The following FOXL1 variants were observed in gnomAD, a reference collection of about 807,000 sequenced individuals.
FOXL1 encodes the protein forkhead box protein L1.
In FOXL1, 2 loss-of-function variants were observed where a neutral mutation model predicts 1.7. The ratio of observed to expected loss-of-function variants is 1.21; its 90% CI spans 0.49 to 3.80. FOXL1 has a LOEUF of 3.80. FOXL1 is among the 30% of genes most tolerant of loss of function. The probability of loss-of-function intolerance (pLI) is 0.07; values close to 1 mark genes in which losing one functional copy is unlikely to be tolerated. For missense variants in FOXL1, 565 were observed against 495.8 expected (o/e 1.14, Z -1.32); for synonymous variants, 280 against 229.3 (o/e 1.22, Z -2.00).
In FOXL1 at chr16:86,582,726, T is replaced by G. The variant is rs1013612981; in HGVS notation, c.*2965T>G. Among the ~76,000 whole-genome samples, 4 of 152,156 alleles carry G rather than the reference T, an allele frequency of 2.6e-5. No individual in the cohort carries two copies. Among genetic ancestry groups the G allele is most frequent in the African/African-American group, 9.7e-5 (4 of 41,418 alleles). On this transcript the variant is annotated 3_prime_UTR_variant, in exon 1 of 1. Coordinates refer to ENST00000320241, the MANE Select transcript of FOXL1 (RefSeq NM_005250.3). ...TAAATGTATCTTTTTTGAATATACC[T>G]GAGACTCAGATCAAGTACTGAGTCC...
chr16:86,579,590 C>G lies in FOXL1; in HGVS notation c.867C>G (p.Pro289=), dbSNP rs772206677. 6.2e-7 allele frequency: 1 copy of G among 1,613,076 alleles called. No individual in the cohort carries two copies. The highest frequency in any genetic ancestry group is 2.2e-5 in the East Asian group (1 of 44,858). ...DELLGGAKPG[P]GGRLGASLLA... Reference sequence around the variant, plus strand: ...TCCTAGGGGGTGCCAAGCCTGGGCCCGGCGGCCGTCTGGGTGCCTCGCTCC... The same window carrying G: ...TCCTAGGGGGTGCCAAGCCTGGGCCGGGCGGCCGTCTGGGTGCCTCGCTCC... The change falls in exon 1 of 1, where the codon CCC becomes CCG. Residue 289 remains proline (P), a synonymous_variant. Transcript: ENST00000320241.
rs1012580727 is a variant in FOXL1, at chr16:86,582,206, G to A, written c.*2445G>A. The A allele has an allele frequency of 3.3e-5, 5 of 152,148 alleles. No individual in the cohort carries two copies. The highest frequency in any genetic ancestry group is 1.9e-4 in the East Asian group (1 of 5,196). 9.4% of individuals were successfully genotyped at this position (152,148 alleles called of 1,614,324 possible). On this transcript the variant is annotated 3_prime_UTR_variant, in exon 1 of 1. Coordinates refer to ENST00000320241, the MANE Select transcript of FOXL1 (RefSeq NM_005250.3). ...GCTAAGACAAGTGGATACTGAGGTC[G>A]TTTTTATGTAATCTATATAATTGCA...
Position 86,579,111 on chromosome 16 carries a change from C to A in FOXL1, c.388C>A (p.Leu130Met). The A allele has an allele frequency of 1.9e-6, 3 of 1,613,926 alleles. No homozygotes were observed. Among genetic ancestry groups the A allele is most frequent in the African/African-American group, 1.3e-5 (1 of 75,054 alleles). ...GSYWTLDPRC[L>M]DMFENGNYRR... Reference sequence around the variant, plus strand: ...CTACTGGACGCTGGACCCCCGCTGCCTGGACATGTTTGAGAACGGCAACTA... The same window carrying A: ...CTACTGGACGCTGGACCCCCGCTGCATGGACATGTTTGAGAACGGCAACTA... Residue 130 changes from leucine (L) to methionine (M), a missense_variant, in exon 1 of 1, where the codon CTG (leucine) becomes ATG (methionine). Leu to Met is a conservative substitution (Grantham distance 15). Coordinates refer to ENST00000320241, the MANE Select transcript of FOXL1 (RefSeq NM_005250.3).
At position 86,579,665 on chromosome 16, in the gene FOXL1, C is replaced by T; in HGVS notation, c.942C>T (p.Leu314=). The change falls in exon 1 of 1, where the codon CTC becomes CTT. Residue 314 remains leucine, a synonymous_variant. Coordinates refer to ENST00000320241, the MANE Select transcript of FOXL1 (RefSeq NM_005250.3). ...LRPPFNASLM[L]DPHVQGGFYQ... is the part of the protein sequence containing the mutation. ...CGCCTTTCAACGCTTCCCTGATGCT[C>T]GACCCGCATGTCCAGGGCGGCTTTT... 6.2e-7 allele frequency: 1 copy of T among 1,613,884 alleles called. No homozygotes were observed. Among genetic ancestry groups the T allele is most frequent in the Non-Finnish European group, 8.5e-7 (1 of 1,180,010 alleles).
chr16:86,578,781 C>G lies in FOXL1; in HGVS notation c.58C>G (p.Leu20Val), dbSNP rs765582433. 2.5e-6 allele frequency: 4 copies of G among 1,613,084 alleles called. No individual in the cohort carries two copies. Among genetic ancestry groups the G allele is most frequent in the African/African-American group, 2.7e-5 (2 of 74,940 alleles). Residue 20 changes from leucine (L) to valine (V), a missense_variant, in exon 1 of 1, where the codon CTG becomes GTG. Physicochemically the swap from Leu to Val is conservative, Grantham distance 32 (BLOSUM62 1). Coordinates refer to ENST00000320241, the MANE Select transcript of FOXL1 (RefSeq NM_005250.3). ...PALAASPMLY[L>V]YGPERPGLPL... The stretch of plus-strand genomic sequence containing the variant: ...CCTGGCCGCCTCGCCCATGCTGTAT[C>G]TGTACGGTCCCGAGAGACCCGGCCT...
At position 86,581,635 on chromosome 16, in the gene FOXL1, G is replaced by A. The variant is rs1321751126; in HGVS notation, c.*1874G>A. The A allele has an allele frequency of 6.0e-6, 1 of 167,076 alleles. No homozygotes were observed. The highest frequency in any genetic ancestry group is 1.5e-5 in the Non-Finnish European group (1 of 68,120). 10.3% of individuals were successfully genotyped at this position (167,076 alleles called of 1,614,324 possible). On this transcript the variant is annotated 3_prime_UTR_variant, in exon 1 of 1. Coordinates refer to ENST00000320241, the MANE Select transcript of FOXL1 (RefSeq NM_005250.3). ...AAAATGTAGCGAAAGGGCTGTCACT[G>A]GATATTTTGCTATCCCAAACTCTCA...
chr16:86,579,130 G>A lies in FOXL1; in HGVS notation c.407G>A (p.Gly136Asp). Residue 136 changes from glycine to aspartate, a missense_variant, in exon 1 of 1, where the codon GGC (glycine) becomes GAC (aspartate). Gly to Asp is a moderately conservative substitution (Grantham distance 94). Transcript: ENST00000320241. ...CGCTGCCTGGACATGTTTGAGAACG[G>A]CAACTACCGGCGCCGGAAGAGGAAG... ...DPRCLDMFEN[G>D]NYRRRKRKPK... 6.2e-7 allele frequency: 1 copy of A among 1,613,538 alleles called. No individual in the cohort carries two copies. The highest frequency in any genetic ancestry group is 8.5e-7 in the Non-Finnish European group (1 of 1,179,952).
Position 86,578,926 on chromosome 16 carries a change from A to G in FOXL1, c.203A>G (p.Gln68Arg). The change falls in exon 1 of 1, where the codon CAG (glutamine) becomes CGG (arginine). Residue 68 changes from glutamine to arginine, a missense_variant. Coordinates refer to ENST00000320241, the MANE Select transcript of FOXL1 (RefSeq NM_005250.3). ...IAMAIQDAPE[Q>R]RVTLNGIYQF... ...ATGGCGATCCAGGACGCGCCCGAGC[A>G]GAGGGTCACGCTCAACGGCATCTAC... The G allele has an allele frequency of 6.2e-7, 1 of 1,614,186 alleles. No homozygotes were observed. The highest frequency in any genetic ancestry group is 1.3e-5 in the African/African-American group (1 of 75,070).
Position 86,579,740 on chromosome 16 carries a change from C to G in FOXL1, c.1017C>G (p.Asp339Glu). The G allele has an allele frequency of 6.2e-7, 1 of 1,613,034 alleles. No individual in the cohort carries two copies. The highest frequency in any genetic ancestry group is 8.5e-7 in the Non-Finnish European group (1 of 1,179,580). ...CTTATTTCCCCCTGCAGGTTCCCGACACGGTACTCCACTTCCAGTAAAGCA... is the reference window on the plus strand; with the variant it reads ...CTTATTTCCCCCTGCAGGTTCCCGAGACGGTACTCCACTTCCAGTAAAGCA... ...FLSYFPLQVP[D>E]TVLHFQ Residue 339 changes from aspartate to glutamate, a missense_variant, in exon 1 of 1, where the codon GAC becomes GAG. Asp to Glu is a conservative substitution (Grantham distance 45). Coordinates refer to ENST00000320241, the MANE Select transcript of FOXL1 (RefSeq NM_005250.3).
Position 86,583,082 on chromosome 16 carries a change from G to C in FOXL1, c.*3321G>C, listed in dbSNP as rs1408453149. ...GCCTCCAGTGAACCATAAGAGTTTT[G>C]AGAACCTGAATAGGACCTTCTTAGC... On this transcript the variant is annotated 3_prime_UTR_variant, in exon 1 of 1. Transcript: ENST00000320241. Among the ~76,000 whole-genome samples, 1 of 150,528 alleles carries C rather than the reference G, an allele frequency of 6.6e-6. No homozygotes were observed. Among genetic ancestry groups the C allele is most frequent in the African/African-American group, 2.5e-5 (1 of 40,776 alleles).
chr16:86,582,860 T>C lies in FOXL1; in HGVS notation c.*3099T>C, dbSNP rs1188419622. Among the ~76,000 whole-genome samples, 1 of 151,774 alleles carries C rather than the reference T, an allele frequency of 6.6e-6. No individual in the cohort carries two copies. The highest frequency in any genetic ancestry group is 1.5e-5 in the Non-Finnish European group (1 of 68,020). On this transcript the variant is annotated 3_prime_UTR_variant, in exon 1 of 1. Coordinates refer to ENST00000320241, the MANE Select transcript of FOXL1 (RefSeq NM_005250.3). ...TAGCTTTAATAGTTTTGTTTCTCTA[T>C]GTAGTATGAACCAGGGATAACTTTA...
Position 86,579,871 on chromosome 16 carries a change from C to G in FOXL1, c.*110C>G, listed in dbSNP as rs914848765. 5 of 1,137,558 alleles carry G rather than the reference C, an allele frequency of 4.4e-6. No homozygotes were observed. In the African/African-American group the frequency reaches 6.2e-5, roughly 14 times the overall value. 70.5% of individuals were successfully genotyped at this position (1,137,558 alleles called of 1,614,324 possible). On this transcript the variant is annotated 3_prime_UTR_variant, in exon 1 of 1. Coordinates refer to ENST00000320241, the MANE Select transcript of FOXL1 (RefSeq NM_005250.3). ...TAAAATGATCTTTGCCTGGGTCGGCCTGTGGGTTCAGGGAAGTGTTACCAA... is the reference window on the plus strand; with the variant it reads ...TAAAATGATCTTTGCCTGGGTCGGCGTGTGGGTTCAGGGAAGTGTTACCAA...
chr16:86,579,461 C>A lies in FOXL1; in HGVS notation c.738C>A (p.Pro246=). The A allele has an allele frequency of 6.4e-7, 1 of 1,556,846 alleles. No individual in the cohort carries two copies. ...ACGGCCCGGGGTCCCCTCTGCGCCC[C>A]GCCTCCCGCAGCTCTCCGAAGAGCT... ...TGDGPGSPLR[P]ASRSSPKSSD... The change falls in exon 1 of 1, where the codon CCC becomes CCA. Residue 246 remains proline, a synonymous_variant. Transcript: ENST00000320241.
At position 86,582,940 on chromosome 16, in the gene FOXL1, A is replaced by T. The variant is rs1440210797; in HGVS notation, c.*3179A>T. Among the ~76,000 whole-genome samples the T allele has an allele frequency of 1.3e-5, 2 of 151,158 alleles. No individual in the cohort carries two copies. On this transcript the variant is annotated 3_prime_UTR_variant, in exon 1 of 1. Coordinates refer to ENST00000320241, the MANE Select transcript of FOXL1 (RefSeq NM_005250.3). ...AGATTTTATTTAAACATCGCGGAAGACACCCGCTTTGAGAACTTTTCCCTC... is the reference window on the plus strand; with the variant it reads ...AGATTTTATTTAAACATCGCGGAAGTCACCCGCTTTGAGAACTTTTCCCTC...
In FOXL1 at chr16:86,579,785, T is replaced by C. The variant is rs376492717; in HGVS notation, c.*24T>C. 6.3e-7 allele frequency: 1 copy of C among 1,596,714 alleles called. No individual in the cohort carries two copies. Among genetic ancestry groups the C allele is most frequent in the Admixed American group, 1.7e-5 (1 of 59,764 alleles). ...AAAGCAAACAATGGCACGGTTCTTC[T>C]CCCGGCCCAGCCTGAGCCTCCGCTG... On this transcript the variant is annotated 3_prime_UTR_variant, in exon 1 of 1. Coordinates refer to ENST00000320241, the MANE Select transcript of FOXL1 (RefSeq NM_005250.3).
Position 86,579,199 on chromosome 16 carries a change from C to A in FOXL1, c.476C>A (p.Ala159Asp). 3 of 1,587,260 alleles carry A rather than the reference C, an allele frequency of 1.9e-6. No individual in the cohort carries two copies. The highest frequency in any genetic ancestry group is 1.1e-5 in the South Asian group (1 of 89,540). The stretch of plus-strand genomic sequence containing the variant: ...GCCCCGGAGGCCAAGAGGCCCCGCG[C>A]CGAGACGCACCAGCGCAGCGCGGAG... ...PGAPEAKRPR[A>D]ETHQRSAEAQ... Residue 159 changes from alanine to aspartate, a missense_variant, in exon 1 of 1, where the codon GCC (alanine) becomes GAC (aspartate). Transcript: ENST00000320241.
In FOXL1 at chr16:86,579,813, C is replaced by A; in HGVS notation, c.*52C>A. On this transcript the variant is annotated 3_prime_UTR_variant, in exon 1 of 1. Transcript: ENST00000320241. ...CGGCCCAGCCTGAGCCTCCGCTGAG[C>A]GAAAGGCCACAGCTCCCACCGGCGG... 3 of 1,492,354 alleles carry A rather than the reference C, an allele frequency of 2.0e-6. No homozygotes were observed. Among genetic ancestry groups the A allele is most frequent in the South Asian group, 1.2e-5 (1 of 85,366 alleles). 92.4% of individuals were successfully genotyped at this position (1,492,354 alleles called of 1,614,324 possible).
Position 86,582,815 on chromosome 16 carries a change from AAT to A in FOXL1, c.*3056_*3057del, listed in dbSNP as rs1974429259. The stretch of plus-strand genomic sequence containing the variant: ...TTTGTTTTTCTATATAGTTTTTAAA[AAT>A]AGATAATAATTTCTATATAGCTTTA... On this transcript the variant is annotated 3_prime_UTR_variant, in exon 1 of 1. Transcript: ENST00000320241. 1.3e-5 allele frequency among the ~76,000 whole-genome samples: 2 copies of A among 152,024 alleles called. No homozygotes were observed. Among genetic ancestry groups the A allele is most frequent in the South Asian group, 2.1e-4 (1 of 4,808 alleles).
At position 86,582,121 on chromosome 16, in the gene FOXL1, T is replaced by G. The variant is rs1974421321; in HGVS notation, c.*2360T>G. The G allele has an allele frequency of 6.6e-6, 1 of 152,224 alleles. No individual in the cohort carries two copies. The highest frequency in any genetic ancestry group is 6.5e-5 in the Admixed American group (1 of 15,278). 9.4% of individuals were successfully genotyped at this position (152,224 alleles called of 1,614,324 possible). A position where few individuals can be genotyped will look rare whatever the true frequency, so the allele number is the denominator to read the frequency against. On this transcript the variant is annotated 3_prime_UTR_variant, in exon 1 of 1. Transcript: ENST00000320241. Reference sequence around the variant, plus strand: ...AAAATGCAGATGTATCCACTTTGTGTGTTTATACATGCATAAAGAGAAATT... The same window carrying G: ...AAAATGCAGATGTATCCACTTTGTGGGTTTATACATGCATAAAGAGAAATT...
Sources: allele counts gnomAD v4.1 joint callset (sites outside exome capture counted in the v4.1 genomes callset), GRCh38; gene constraint gnomAD v4.1.1; transcripts MANE v1.5; gene names NCBI Gene and HGNC (gene_info 2026-07-23, HGNC 2026-07-21).